Variants in CPNE4 observed in about 807,000 individuals in gnomAD.
CPNE4 encodes the protein copine-4.
CPNE4 carries 25 observed loss-of-function variants against 67.9 expected under a neutral mutation model. The ratio of observed to expected loss-of-function variants is 0.37; its 90% CI spans 0.27 to 0.51. The LOEUF (loss-of-function observed/expected upper bound fraction) is 0.51, where lower values mean the gene tolerates loss of function less well. Ranked by LOEUF, CPNE4 falls within the 20% of genes least tolerant of loss-of-function variation. The pLI is 0.93. For missense variants in CPNE4, 464 were observed against 690.8 expected, an observed-to-expected ratio of 0.67 and a Z score of 3.68; for synonymous variants, 242 against 244.9, an observed-to-expected ratio of 0.99 and a Z score of 0.11.
intron 14 of CPNE4, among the ~76,000 whole-genome samples, chr3:131,546,485 C>G (rs771708925): frequency 3.3e-5 from 5 of 152,108 alleles, no homozygotes; most frequent in Non-Finnish European, 7.4e-5. Flanking sequence ...AAGTTTATGA[C>G]CCTTAGAGAT....
At chr3:132,007,622 G>A (rs1427760903) in intron 1 of CPNE4, among the ~76,000 whole-genome samples, 3 of 151,710 alleles carry the variant, frequency 2.0e-5, no homozygotes, top group Non-Finnish European at 4.4e-5. Context: ...ATACACAGCA[G>A]CCCTTTTTTT....
chr3:131,705,422 G>T (rs1412068978), intron 3 of CPNE4, among the ~76,000 whole-genome samples: 2 of 152,202 alleles, frequency 1.3e-5, no homozygotes, highest in African/African-American at 4.8e-5. Flanking sequence ...TGTAAAAAAA[G>T]TTTAAATATA....
In CPNE4 at chr3:131,581,727, C is replaced by T. The variant is rs773382940; in HGVS notation, c.781-62G>A. ...AAAAAGCTGAGTCTTTCAATAAGGC[C>T]AAGCTCCTAGGTGCTGCTGAGGACA... On this transcript the variant is annotated intron_variant, in intron 8 of 15. Coordinates refer to ENST00000429747, the MANE Select transcript of CPNE4 (RefSeq NM_130808.3). 9 of 1,190,854 alleles carry T rather than the reference C, an allele frequency of 7.6e-6. No homozygotes were observed. The Middle Eastern group carries it at 5.6e-4, about 75-fold the overall frequency. The allele number at this position is 1,190,854 out of a possible 1,614,324, so 73.8% of individuals were successfully genotyped here.
intron 3 of CPNE4, among the ~76,000 whole-genome samples, chr3:131,704,371 G>C (rs2081370897): frequency 6.6e-6 from 1 of 152,152 alleles, no homozygotes. Context: ...ATGGTCTTTG[G>C]TACATAAATA....
chr3:131,861,053 A>G lies in CPNE4; in HGVS notation c.180+44211T>C, dbSNP rs147404967. ...GTTTTATTCTTAAGTACAATCACAC[A>G]TATATTAATATTTCCATTTTAGACT... On this transcript the variant is annotated intron_variant, in intron 2 of 15. Transcript: ENST00000429747. Among the ~76,000 whole-genome samples the G allele has an allele frequency of 7.0e-3, 1,059 of 152,328 alleles. 8 individuals are homozygous for G. The highest frequency in any genetic ancestry group is 0.024 in the African/African-American group (1,009 of 41,558).
intron 4 of CPNE4, among the ~76,000 whole-genome samples, chr3:131,697,470 G>T (rs916127945): frequency 6.6e-6 from 1 of 152,118 alleles, no homozygotes; most frequent in African/African-American, 2.4e-5. Context: ...TTTTCTATCT[G>T]AGCTCAACAA....
At chr3:131,874,677 TATTC>T (rs953050517) in intron 2 of CPNE4, among the ~76,000 whole-genome samples, 8 of 152,262 alleles carry the variant, frequency 5.3e-5, no homozygotes, top group Non-Finnish European at 1.0e-4. Context: ...TGCTACTTCA[TATTC>T]ATTGTTATAT....
At chr3:131,592,987 T>C (rs950349058) in intron 7 of CPNE4, among the ~76,000 whole-genome samples, 2 of 152,218 alleles carry the variant, frequency 1.3e-5, no homozygotes, top group Non-Finnish European at 2.9e-5. Context: ...AAAAGAAATG[T>C]GCTATGCCAA....
chr3:132,024,501 T>C (rs2074075370), intron 1 of CPNE4, among the ~76,000 whole-genome samples: 1 of 18,212 alleles, frequency 5.5e-5, no homozygotes, highest in South Asian at 2.7e-3. Flanking sequence ...AAGGGTTTTA[T>C]TTGTCTCCTC....
In CPNE4 at chr3:131,535,038, C is replaced by CAA. The variant is rs5852629; in HGVS notation, c.*155_*156dup. On this transcript the variant is annotated 3_prime_UTR_variant, in exon 16 of 16. Transcript: ENST00000429747. Reference sequence around the variant, plus strand: ...GATCCAGGCCTCAGGGCTACACATGCAAAAAAAATTGTCAGATAGTTAAAA... The same window carrying CAA: ...GATCCAGGCCTCAGGGCTACACATGCAAAAAAAAAATTGTCAGATAGTTAAAA... 3.5e-4 allele frequency: 238 copies of CAA among 675,230 alleles called. 5 individuals are homozygous for CAA. In the South Asian group the frequency reaches 3.7e-3, roughly 11 times the overall value. The allele number at this position is 675,230 out of a possible 1,614,324, so 41.8% of individuals were successfully genotyped here. A position where few individuals can be genotyped will look rare whatever the true frequency, so the allele number is the denominator to read the frequency against.
intron 7 of CPNE4, among the ~76,000 whole-genome samples, chr3:131,637,924 C>G (rs1014560230): frequency 1.3e-5 from 2 of 152,172 alleles, no homozygotes. Context: ...AATTTTGTAT[C>G]CAATGAAATT....
At chr3:131,770,084 T>A (rs2083128042) in intron 2 of CPNE4, among the ~76,000 whole-genome samples, 1 of 152,142 alleles carries the variant, frequency 6.6e-6, no homozygotes, top group Non-Finnish European at 1.5e-5. Context: ...TTTTTGTGTG[T>A]CTGTGTGTCT....
chr3:131,782,600 T>G (rs967338396), intron 2 of CPNE4, among the ~76,000 whole-genome samples: 1 of 152,062 alleles, frequency 6.6e-6, no homozygotes, highest in Admixed American at 6.6e-5. Flanking sequence ...AGGCACTAGA[T>G]TTAAAATGTT....
Position 131,854,185 on chromosome 3 carries a change from T to C in CPNE4, c.180+51079A>G, listed in dbSNP as rs181429118. Among the ~76,000 whole-genome samples, 69 of 152,010 alleles carry C rather than the reference T, an allele frequency of 4.5e-4. 1 individual carries two copies. Among genetic ancestry groups the C allele is most frequent in the African/African-American group, 1.6e-3 (68 of 41,530 alleles). ...AACATATTTTAGTATATCCAAATAA[T>C]AGAATACTACTTGGGCCACACTATG... On this transcript the variant is annotated intron_variant, in intron 2 of 15. Coordinates refer to ENST00000429747, the MANE Select transcript of CPNE4 (RefSeq NM_130808.3).
At chr3:131,545,759 G>A (rs536728976) in intron 14 of CPNE4, among the ~76,000 whole-genome samples, 2 of 152,114 alleles carry the variant, frequency 1.3e-5, no homozygotes, top group Non-Finnish European at 2.9e-5. Context: ...TGGGTCTTAT[G>A]TTGTACATTT....
intron 10 of CPNE4, among the ~76,000 whole-genome samples, chr3:131,565,930 G>C (rs1278003126): frequency 6.6e-6 from 1 of 151,906 alleles, no homozygotes; most frequent in Non-Finnish European, 1.5e-5. Flanking sequence ...CTCTGTGTCA[G>C]GCACTGTGCT....
At chr3:131,928,576 C>G (rs1214502810) in intron 1 of CPNE4, among the ~76,000 whole-genome samples, 1 of 152,170 alleles carries the variant, frequency 6.6e-6, no homozygotes, top group Admixed American at 6.5e-5. Flanking sequence ...GCCTTAAAAA[C>G]CATTCCCAAC....
At chr3:131,655,657 C>T (rs952279614) in intron 7 of CPNE4, among the ~76,000 whole-genome samples, 9 of 151,864 alleles carry the variant, frequency 5.9e-5, no homozygotes, top group Admixed American at 5.2e-4. Context: ...CGTCGGGGGG[C>T]AGGGGGGTGG....
chr3:131,934,845 G>A (rs151096449), intron 1 of CPNE4, among the ~76,000 whole-genome samples: 2 of 152,270 alleles, frequency 1.3e-5, no homozygotes, highest in African/African-American at 4.8e-5. Flanking sequence ...CTGCTGATTA[G>A]AAAAGGGATG....
Sources: allele counts gnomAD v4.1 joint callset (sites outside exome capture counted in the v4.1 genomes callset), GRCh38; gene constraint gnomAD v4.1.1; transcripts MANE v1.5; gene names NCBI Gene and HGNC (gene_info 2026-07-23, HGNC 2026-07-21).